Variants in UNC13C observed in about 807,000 individuals in gnomAD.
UNC13C encodes protein unc-13 homolog C.
UNC13C carries 174 observed loss-of-function variants against 245.4 expected under a neutral mutation model. The ratio of observed to expected loss-of-function variants is 0.71; its 90% CI spans 0.63 to 0.80. The LOEUF is 0.80. Among genes scored for constraint, UNC13C ranks in the 30% least tolerant of loss-of-function variants. The pLI, the probability that UNC13C is intolerant of heterozygous loss-of-function variation, is 0.00. For missense variants in UNC13C, 2,829 were observed against 2,602.9 expected (o/e 1.09, Z -1.89); for synonymous variants, 992 against 895.1 (o/e 1.11, Z -1.93).
At chr15:54,532,292 C>G (rs151196987) in intron 25 of UNC13C, among the ~76,000 whole-genome samples, 1 of 152,144 alleles carries the variant, frequency 6.6e-6, no homozygotes, top group African/African-American at 2.4e-5. Flanking sequence ...GACCTAAAGA[C>G]AGAAATACCA....
chr15:54,619,790 G>T (rs887315417), intron 30 of UNC13C, among the ~76,000 whole-genome samples: 2 of 152,116 alleles, frequency 1.3e-5, no homozygotes, highest in African/African-American at 4.8e-5. Flanking sequence ...TTGTATGAAT[G>T]AGAAGTATGG....
At position 54,014,684 on chromosome 15, in the gene UNC13C, C is replaced by G; in HGVS notation, c.1781C>G (p.Thr594Arg). The change falls in exon 2 of 33, where the codon ACA (threonine) becomes AGA (arginine). Residue 594 changes from threonine to arginine, a missense_variant. Transcript: ENST00000260323. The stretch of plus-strand genomic sequence containing the variant: ...CTATGGCAGAGGAAACAGGAAGGAA[C>G]AGCGACCCTGTATGACAGTCCCAAG... The part of the protein sequence containing the change: ...RELWQRKQEG[T>R]ATLYDSPKDQ... 6.2e-7 allele frequency: 1 copy of G among 1,613,752 alleles called. No homozygotes were observed. Among genetic ancestry groups the G allele is most frequent in the Non-Finnish European group, 8.5e-7 (1 of 1,179,830 alleles).
chr15:54,173,507 A>AT (rs2033494608), intron 4 of UNC13C, among the ~76,000 whole-genome samples: 1 of 151,908 alleles, frequency 6.6e-6, no homozygotes, highest in Non-Finnish European at 1.5e-5. Context: ...TTAAAATTTC[A>AT]TTTTTCAGTT....
rs566762782 is a variant in UNC13C, at chr15:54,266,499, G to A, written c.3818+1003G>A. ...TATAGCAGGAAAGGAACAACAAAGGGGAGGGATGAAGACTATGGAAAACTG... is the reference window on the plus strand; with the variant it reads ...TATAGCAGGAAAGGAACAACAAAGGAGAGGGATGAAGACTATGGAAAACTG... On this transcript the variant is annotated intron_variant, in intron 10 of 32. Transcript: ENST00000260323. 3.6e-4 allele frequency among the ~76,000 whole-genome samples: 55 copies of A among 152,044 alleles called. 1 individual carries two copies. The highest frequency in any genetic ancestry group is 1.9e-3 in the Admixed American group (29 of 15,242).
At chr15:53,999,027 T>C (rs1317753525) in intron 1 of UNC13C, among the ~76,000 whole-genome samples, 1 of 152,040 alleles carries the variant, frequency 6.6e-6, no homozygotes, top group African/African-American at 2.4e-5. Flanking sequence ...ACATTTTTCA[T>C]CTACGTTCAT....
At chr15:54,010,257 G>C (rs903433023) in intron 1 of UNC13C, among the ~76,000 whole-genome samples, 1 of 152,170 alleles carries the variant, frequency 6.6e-6, no homozygotes, top group African/African-American at 2.4e-5. Flanking sequence ...AAGTTAAATA[G>C]AATATGGCTC....
At chr15:53,905,433 A>ACACAG in the UNC13C span, among the ~76,000 whole-genome samples, 2,125 of 115,834 alleles carry the variant, frequency 0.018, 41 homozygotes, top group African/African-American at 0.055. Context: ...CACACACACA[A>ACACAG]TGGAATATTG....
chr15:54,351,247 T>A (rs1240896392), intron 17 of UNC13C, among the ~76,000 whole-genome samples: 1 of 152,136 alleles, frequency 6.6e-6, no homozygotes, highest in Non-Finnish European at 1.5e-5. Flanking sequence ...GGATATCCAG[T>A]GAAGTGCGCA....
chr15:54,370,529 G>A (rs968418454), intron 17 of UNC13C, among the ~76,000 whole-genome samples: 3 of 152,084 alleles, frequency 2.0e-5, no homozygotes, highest in Admixed American at 1.3e-4. Context: ...ATCATGATAC[G>A]ATCATGTCTG....
intron 29 of UNC13C, among the ~76,000 whole-genome samples, chr15:54,555,927 A>G (rs982675909): frequency 2.6e-5 from 4 of 152,088 alleles, no homozygotes; most frequent in African/African-American, 9.7e-5. Flanking sequence ...GCATGTTGAA[A>G]TTATTTTTAA....
chr15:54,529,036 T>C (rs1895616280), intron 25 of UNC13C, among the ~76,000 whole-genome samples: 2 of 152,178 alleles, frequency 1.3e-5, no homozygotes, highest in African/African-American at 4.8e-5. Context: ...GAAGAGAATG[T>C]TCCTTTAAAG....
intron 4 of UNC13C, among the ~76,000 whole-genome samples, chr15:54,157,940 T>A (rs959648574): frequency 9.9e-5 from 15 of 152,200 alleles, no homozygotes; most frequent in African/African-American, 3.6e-4. Context: ...CTCCTAATGG[T>A]CTTCTGCCTA....
chr15:54,353,115 G>T (rs1447255823), intron 17 of UNC13C, among the ~76,000 whole-genome samples: 1 of 152,032 alleles, frequency 6.6e-6, no homozygotes, highest in Non-Finnish European at 1.5e-5. Flanking sequence ...TTGACTTCTT[G>T]TTGTGTACCA....
the UNC13C span, among the ~76,000 whole-genome samples, chr15:53,881,958 G>A: frequency 6.6e-6 from 1 of 152,084 alleles, no homozygotes; most frequent in African/African-American, 2.4e-5. Context: ...CTCAGCACAA[G>A]CCACTTTTGA....
chr15:54,190,842 G>T (rs1310029256), intron 4 of UNC13C, among the ~76,000 whole-genome samples: 1 of 151,630 alleles, frequency 6.6e-6, no homozygotes, highest in East Asian at 1.9e-4. Context: ...TATCATTTTT[G>T]TTTGTTCTTT....
rs559383644 is a variant in UNC13C, at chr15:54,597,273, C to A, written c.6107-25054C>A. On this transcript the variant is annotated intron_variant, in intron 30 of 32. Transcript: ENST00000260323. ...CCACAGACCGGTATCATTCCACAGC[C>A]TGGGGGTTAGGGACCACTGCTCAGG... Among the ~76,000 whole-genome samples the A allele has an allele frequency of 3.9e-5, 6 of 152,258 alleles. No homozygotes were observed. In the South Asian group the frequency reaches 1.2e-3, roughly 32 times the overall value.
intron 29 of UNC13C, among the ~76,000 whole-genome samples, chr15:54,564,527 C>G (rs1411196423): frequency 2.0e-5 from 3 of 151,978 alleles, no homozygotes; most frequent in African/African-American, 7.2e-5. Flanking sequence ...ACAGTTTATG[C>G]TTTCATAGCT....
chr15:54,500,130 A>C lies in UNC13C; in HGVS notation c.5112A>C (p.Ser1704=). The change falls in exon 21 of 33, where the codon TCA becomes TCC. Residue 1704 remains serine, a synonymous_variant. Coordinates refer to ENST00000260323, the MANE Select transcript of UNC13C (RefSeq NM_001080534.3). ...MQWLDENEDV[S]MEFLHGALGR... Reference sequence around the variant, plus strand: ...GGCTAGATGAAAACGAAGATGTGTCAATGGAATTCCTTCATGGAGCACTGG... The same window carrying C: ...GGCTAGATGAAAACGAAGATGTGTCCATGGAATTCCTTCATGGAGCACTGG... 6.2e-7 allele frequency: 1 copy of C among 1,611,510 alleles called. No individual in the cohort carries two copies. The highest frequency in any genetic ancestry group is 8.5e-7 in the Non-Finnish European group (1 of 1,179,096).
chr15:54,498,820 A>G (rs900366433), intron 20 of UNC13C, among the ~76,000 whole-genome samples: 1 of 152,164 alleles, frequency 6.6e-6, no homozygotes, highest in African/African-American at 2.4e-5. Flanking sequence ...TTCCCCCCAC[A>G]TGGACCTACA....
Sources: gnomAD v4.1 joint callset for allele counts (sites outside exome capture counted in the v4.1 genomes callset) on GRCh38, gnomAD v4.1.1 for gene constraint, MANE v1.5 for transcripts, NCBI Gene and HGNC (gene_info 2026-07-23, HGNC 2026-07-21) for gene names.